HS6ST2: variants seen among roughly 807,000 people sequenced by gnomAD.
The protein encoded by HS6ST2 is heparan sulfate 6-O-sulfotransferase 2, also known as heparan-sulfate 6-O-sulfotransferase 2.
HS6ST2 carries 17 observed loss-of-function variants against 33.0 expected under a neutral mutation model. The ratio of observed to expected loss-of-function variants is 0.52; its 90% CI spans 0.35 to 0.77. The LOEUF is 0.77. Among genes scored for constraint, HS6ST2 ranks in the 30% least tolerant of loss-of-function variants. HS6ST2 has a pLI of 0.01. For missense variants in HS6ST2, 519 were observed against 551.7 expected, an observed-to-expected ratio of 0.94 and a Z score of 0.59; for synonymous variants, 248 against 237.1, an observed-to-expected ratio of 1.05 and a Z score of -0.42.
chrX:132,670,492 T>C (rs2063859933), intron 3 of HS6ST2, among the ~76,000 whole-genome samples: 1 of 111,405 alleles, frequency 9.0e-6, no homozygotes, highest in African/African-American at 3.3e-5. Flanking sequence ...ATAGCAACTG[T>C]CCAAGCACTT....
Position 132,957,207 on chromosome X carries a change from A to G in HS6ST2, c.548T>C (p.Leu183Pro), listed in dbSNP as rs762775373. ...CPGTECQLLR[L>P]QAFSSPVPDP... ...CGGCACCGGGGAGCTGAACGCCTGC[A>G]GGCGGAGGAGCTGGCATTCTGTGCC... Residue 183 changes from leucine (L) to proline (P), a missense_variant, in exon 2 of 5, where the codon CTG becomes CCG. By Grantham distance (98) the Leu-to-Pro change is moderately conservative. Transcript: ENST00000370833. 8.3e-7 allele frequency: 1 copy of G among 1,210,591 alleles called. No individual in the cohort carries two copies. Among genetic ancestry groups the G allele is most frequent in the Admixed American group, 2.2e-5 (1 of 46,026 alleles).
At chrX:132,828,707 C>T (rs866681791) in intron 2 of HS6ST2, among the ~76,000 whole-genome samples, 36,701 of 78,927 alleles carry the variant, frequency 0.46, 9,007 homozygotes, top group African/African-American at 0.63. Flanking sequence ...CACACACACA[C>T]ACACACACAC....
intron 2 of HS6ST2, among the ~76,000 whole-genome samples, chrX:132,775,513 C>T (rs1055367730): frequency 8.9e-6 from 1 of 111,818 alleles, no homozygotes; most frequent in African/African-American, 3.3e-5. Flanking sequence ...TGAGTATTTC[C>T]TTTTCTAAGT....
intron 2 of HS6ST2, among the ~76,000 whole-genome samples, chrX:132,936,217 A>T (rs2066821197): frequency 9.0e-6 from 1 of 111,491 alleles, no homozygotes; most frequent in South Asian, 3.8e-4. Context: ...ATGCCAATAA[A>T]CTGGATAACT....
chrX:132,676,949 A>G (rs181659268), intron 3 of HS6ST2, among the ~76,000 whole-genome samples: 220 of 112,558 alleles, frequency 2.0e-3, no homozygotes, highest in Middle Eastern at 4.6e-3. Flanking sequence ...GCTGACATCC[A>G]TCTCTGCAAA....
At chrX:132,678,158 A>C (rs1274788805) in intron 3 of HS6ST2, among the ~76,000 whole-genome samples, 1 of 111,783 alleles carries the variant, frequency 8.9e-6, no homozygotes, top group Non-Finnish European at 1.9e-5. Context: ...GTCCAAGACC[A>C]GCTTGGGCAA....
At chrX:132,712,929 G>A (rs1334657776) in intron 2 of HS6ST2, among the ~76,000 whole-genome samples, 3 of 111,138 alleles carry the variant, frequency 2.7e-5, no homozygotes, top group Non-Finnish European at 5.7e-5. Flanking sequence ...GGAGGCTGAG[G>A]CAGGAGAATC....
chrX:132,909,107 G>A (rs1283678351), intron 2 of HS6ST2, among the ~76,000 whole-genome samples: 3 of 110,689 alleles, frequency 2.7e-5, no homozygotes, highest in African/African-American at 9.9e-5. Context: ...TCACCAGGCT[G>A]TCATTTCTGA....
At chrX:132,696,654 C>T (rs1273892294) in intron 3 of HS6ST2, among the ~76,000 whole-genome samples, 2 of 112,073 alleles carry the variant, frequency 1.8e-5, no homozygotes, top group African/African-American at 6.5e-5. Flanking sequence ...TCTACTGTTT[C>T]ACTACTTTCT....
chrX:132,938,461 C>G (rs1340566868), intron 2 of HS6ST2, among the ~76,000 whole-genome samples: 1 of 109,670 alleles, frequency 9.1e-6, no homozygotes, highest in East Asian at 2.9e-4. Flanking sequence ...GGCAACATAG[C>G]AAGACCCCAT....
At chrX:132,928,007 G>C (rs886699157) in intron 2 of HS6ST2, among the ~76,000 whole-genome samples, 1 of 111,441 alleles carries the variant, frequency 9.0e-6, no homozygotes, top group Non-Finnish European at 1.9e-5. Flanking sequence ...TTGGCTTTTG[G>C]GGAGGCCTCA....
At chrX:132,855,300 T>C (rs2065843141) in intron 2 of HS6ST2, among the ~76,000 whole-genome samples, 1 of 112,357 alleles carries the variant, frequency 8.9e-6, no homozygotes, top group Non-Finnish European at 1.9e-5. Flanking sequence ...AGACATAGTC[T>C]CATTTTATTC....
At chrX:132,874,387 C>T in intron 2 of HS6ST2, among the ~76,000 whole-genome samples, 1 of 111,672 alleles carries the variant, frequency 9.0e-6, no homozygotes, top group South Asian at 3.8e-4. Flanking sequence ...GCCATCCTGG[C>T]CAACATGGTG....
intron 3 of HS6ST2, among the ~76,000 whole-genome samples, chrX:132,690,196 A>T (rs778329800): frequency 7.2e-4 from 81 of 112,257 alleles, no homozygotes; most frequent in African/African-American, 2.2e-3. Flanking sequence ...ATTGTTCTTA[A>T]TTTTTTCACC....
intron 2 of HS6ST2, among the ~76,000 whole-genome samples, chrX:132,884,209 G>T (rs2066221031): frequency 9.0e-6 from 1 of 111,575 alleles, no homozygotes; most frequent in Admixed American, 9.5e-5. Context: ...ACAAACATGT[G>T]TGAAACTGGT....
intron 3 of HS6ST2, among the ~76,000 whole-genome samples, chrX:132,696,234 G>C: frequency 8.9e-6 from 1 of 111,862 alleles, no homozygotes; most frequent in Non-Finnish European, 1.9e-5. Context: ...TGTGAAACTT[G>C]TGTATGCATG....
intron 2 of HS6ST2, among the ~76,000 whole-genome samples, chrX:132,803,824 T>C (rs185864034): frequency 4.5e-5 from 5 of 112,138 alleles, no homozygotes; most frequent in African/African-American, 1.3e-4. Flanking sequence ...CAAATACTAA[T>C]CTACCTCAGA....
At chrX:132,941,544 A>C (rs1462011646) in intron 2 of HS6ST2, among the ~76,000 whole-genome samples, 2 of 112,453 alleles carry the variant, frequency 1.8e-5, no homozygotes, top group Admixed American at 9.4e-5. Context: ...TTAAGTGCAT[A>C]AACCAAAAAG....
chrX:132,956,991 G>A lies in HS6ST2; in HGVS notation c.764C>T (p.Pro255Leu). 8.3e-7 allele frequency: 1 copy of A among 1,211,438 alleles called. No individual in the cohort carries two copies. ...HLVRNIQLEQ[P>L]CECRVGQKKC... ...CTTCTGACCCACGCGGCACTCGCAC[G>A]GCTGCTCCAGCTGGATGTTACGCAC... Residue 255 changes from proline to leucine, a missense_variant, in exon 2 of 5, where the codon CCG becomes CTG. Physicochemically the swap from Pro to Leu is moderately conservative, Grantham distance 98. Transcript: ENST00000370833.
Sources: gnomAD v4.1 joint callset for allele counts (sites outside exome capture counted in the v4.1 genomes callset) on GRCh38, gnomAD v4.1.1 for gene constraint, MANE v1.5 for transcripts, NCBI Gene and HGNC (gene_info 2026-07-23, HGNC 2026-07-21) for gene names.